SH3GL3: variants seen among roughly 807,000 people sequenced by gnomAD.
The protein encoded by SH3GL3 is SH3 domain containing GRB2 like 3, endophilin A3.
Under a neutral mutation model 47.7 loss-of-function variants are expected in SH3GL3, and 33 were observed. The observed-to-expected ratio is 0.69, with a 90% confidence interval of 0.52 to 0.92. The LOEUF is 0.92. Among genes scored for constraint, SH3GL3 ranks in the 40% least tolerant of loss-of-function variants. The pLI, the probability that SH3GL3 is intolerant of heterozygous loss-of-function variation, is 0.00. For synonymous variants in SH3GL3, 155 were observed against 148.8 expected (o/e 1.04, Z -0.30); for missense variants, 363 against 417.8 (o/e 0.87, Z 1.14).
intron 8 of SH3GL3, among the ~76,000 whole-genome samples, chr15:83,605,181 T>TACTGTGTGCC (rs1338275561): frequency 6.6e-6 from 1 of 152,222 alleles, no homozygotes; most frequent in African/African-American, 2.4e-5. Context: ...CAGCAAACTC[T>TACTGTGTGCC]ACTGTGTGCC....
rs1322748628 is a variant in SH3GL3, at chr15:83,617,931, A to G, written c.839-151A>G. On this transcript the variant is annotated intron_variant, in intron 8 of 8. Coordinates refer to ENST00000427482, the MANE Select transcript of SH3GL3 (RefSeq NM_003027.5). Reference sequence around the variant, plus strand: ...GAGAGCTGAGGCAGCCAGAGACCACAAACGGCACCGTGAGCTGGGTGGAGC... The same window carrying G: ...GAGAGCTGAGGCAGCCAGAGACCACGAACGGCACCGTGAGCTGGGTGGAGC... The G allele has an allele frequency of 9.7e-6, 6 of 620,012 alleles. No homozygotes were observed. In the East Asian group the frequency reaches 1.6e-4, roughly 17 times the overall value. The allele number at this position is 620,012 out of a possible 1,614,324, so 38.4% of individuals were successfully genotyped here. A position where few individuals can be genotyped will look rare whatever the true frequency, so the allele number is the denominator to read the frequency against.
chr15:83,507,297 C>T (rs544509100), intron 1 of SH3GL3, among the ~76,000 whole-genome samples: 84 of 152,204 alleles, frequency 5.5e-4, no homozygotes, highest in African/African-American at 1.9e-3. Flanking sequence ...CGTGAGCCAC[C>T]GTGCCCGGCC....
chr15:83,458,839 G>C (rs1023704420), intron 1 of SH3GL3, among the ~76,000 whole-genome samples: 2 of 152,214 alleles, frequency 1.3e-5, no homozygotes, highest in Admixed American at 6.5e-5. Flanking sequence ...GGGTGTATTA[G>C]TCAGGGTTCT....
chr15:83,621,724 C>T (rs1285432684), downstream of SH3GL3, among the ~76,000 whole-genome samples: 1 of 152,154 alleles, frequency 6.6e-6, no homozygotes, highest in Non-Finnish European at 1.5e-5. Flanking sequence ...ATCACTATAC[C>T]TGTGAAGTGC....
chr15:83,574,443 AG>A (rs1285106161), intron 5 of SH3GL3, among the ~76,000 whole-genome samples: 2 of 151,940 alleles, frequency 1.3e-5, no homozygotes, highest in Non-Finnish European at 2.9e-5. Context: ...TCACCTCCTC[AG>A]GGCCGTTGTG....
intron 1 of SH3GL3, among the ~76,000 whole-genome samples, chr15:83,532,450 T>C (rs2043721291): frequency 6.6e-6 from 1 of 152,100 alleles, no homozygotes; most frequent in Non-Finnish European, 1.5e-5. Flanking sequence ...GGGATGATAT[T>C]TAGACTGCAG....
chr15:83,525,823 T>A (rs1441679077), intron 1 of SH3GL3, among the ~76,000 whole-genome samples: 1 of 152,144 alleles, frequency 6.6e-6, no homozygotes, highest in Non-Finnish European at 1.5e-5. Context: ...AAAAAATCAG[T>A]TGGCTGTACA....
intron 1 of SH3GL3, among the ~76,000 whole-genome samples, chr15:83,542,178 T>C (rs1188437255): frequency 6.6e-6 from 1 of 152,244 alleles, no homozygotes; most frequent in East Asian, 1.9e-4. Flanking sequence ...GTTTCACTCT[T>C]CTGCATATGG....
At chr15:83,601,981 T>G (rs1197346759) in intron 8 of SH3GL3, among the ~76,000 whole-genome samples, 1 of 148,936 alleles carries the variant, frequency 6.7e-6, no homozygotes, top group Non-Finnish European at 1.5e-5. Context: ...AAAACCGAAA[T>G]GCAGTAAAAT....
At chr15:83,583,031 A>G (rs1380521049) in intron 6 of SH3GL3, among the ~76,000 whole-genome samples, 1 of 152,248 alleles carries the variant, frequency 6.6e-6, no homozygotes, top group African/African-American at 2.4e-5. Context: ...AAAAGAGTAG[A>G]GGTCTTTGAT....
chr15:83,616,880 A>G (rs1022572227), intron 8 of SH3GL3, among the ~76,000 whole-genome samples: 1 of 152,202 alleles, frequency 6.6e-6, no homozygotes, highest in African/African-American at 2.4e-5. Context: ...AAGAACCGTA[A>G]ATGTCCAACA....
At chr15:83,572,373 T>C (rs1010991572) in intron 4 of SH3GL3, among the ~76,000 whole-genome samples, 192 bp from the exon 5 acceptor site, 1 of 152,198 alleles carries the variant, frequency 6.6e-6, no homozygotes, top group Non-Finnish European at 1.5e-5. Flanking sequence ...GTGCAGACCA[T>C]AGAGAGGAAA....
chr15:83,505,519 T>C (rs1412347915), intron 1 of SH3GL3, among the ~76,000 whole-genome samples: 1 of 130,920 alleles, frequency 7.6e-6, no homozygotes, highest in Non-Finnish European at 1.6e-5. Flanking sequence ...ACTACTTGAA[T>C]TTCCTTTTTT....
At position 83,618,465 on chromosome 15, in the gene SH3GL3, C is replaced by T. The variant is rs1000792253; in HGVS notation, c.*178C>T. The T allele has an allele frequency of 9.2e-6, 5 of 543,144 alleles. No homozygotes were observed. The African/African-American group carries it at 1.3e-4, about 14-fold the overall frequency. 33.6% of individuals were successfully genotyped at this position (543,144 alleles called of 1,614,324 possible). A position where few individuals can be genotyped will look rare whatever the true frequency, so the allele number is the denominator to read the frequency against. ...TAATTTGTATAAATGATTTTCTTGT[C>T]CTTGCTACATGAAAATATTTTCTTT... On this transcript the variant is annotated 3_prime_UTR_variant, in exon 9 of 9. Transcript: ENST00000427482.
intron 1 of SH3GL3, among the ~76,000 whole-genome samples, chr15:83,467,743 T>A (rs1596034181): frequency 6.6e-6 from 1 of 152,238 alleles, no homozygotes; most frequent in Non-Finnish European, 1.5e-5. Context: ...AGCACATAGA[T>A]CGTGTGCATG....
chr15:83,556,979 C>T (rs899706243), intron 1 of SH3GL3, among the ~76,000 whole-genome samples: 3 of 152,202 alleles, frequency 2.0e-5, no homozygotes, highest in African/African-American at 7.2e-5. Flanking sequence ...GCAGTCACAG[C>T]GGACCTGACA....
At chr15:83,568,419 G>A (rs2045656770) in intron 3 of SH3GL3, 110 bp from the exon 4 acceptor site, 1 of 744,260 alleles carries the variant, frequency 1.3e-6, no homozygotes, top group Admixed American at 2.4e-5. Flanking sequence ...TCAGGTCTCT[G>A]GCATTTTGTT....
At chr15:83,512,620 G>C (rs1215693634) in intron 1 of SH3GL3, among the ~76,000 whole-genome samples, 1 of 152,126 alleles carries the variant, frequency 6.6e-6, no homozygotes, top group Non-Finnish European at 1.5e-5. Flanking sequence ...AAAGGCGCCA[G>C]AGTGGTGGTA....
intron 1 of SH3GL3, among the ~76,000 whole-genome samples, chr15:83,558,186 C>T (rs1278518214): frequency 1.3e-5 from 2 of 152,010 alleles, no homozygotes; most frequent in Non-Finnish European, 2.9e-5. Flanking sequence ...TTTCTTCTTC[C>T]AATTTGTCTT....
Sources: gnomAD v4.1 joint callset for allele counts (sites outside exome capture counted in the v4.1 genomes callset) on GRCh38, gnomAD v4.1.1 for gene constraint, MANE v1.5 for transcripts, NCBI Gene and HGNC (gene_info 2026-07-23, HGNC 2026-07-21) for gene names.